Variants in EPHA10 observed in about 807,000 individuals in gnomAD.
The protein encoded by EPHA10 is EPH receptor A10.
In EPHA10, 120 loss-of-function variants were observed where a neutral mutation model predicts 109.7. The observed-to-expected ratio is 1.09, with a 90% confidence interval of 0.94 to 1.27. The LOEUF (loss-of-function observed/expected upper bound fraction) is 1.27. Ranked by LOEUF, EPHA10 falls within the 50% of genes most tolerant of loss-of-function variation. The pLI is 0.00. For synonymous variants in EPHA10, 640 were observed against 618.9 expected (o/e 1.03, Z -0.51); for missense variants, 1,396 against 1,411.1 (o/e 0.99, Z 0.17).
At chr1:37,735,450 GC>G in intron 5 of EPHA10, 60 bp from the exon 6 acceptor site, 1 of 1,531,698 alleles carries the variant, frequency 6.5e-7, no homozygotes, top group Non-Finnish European at 8.8e-7. Context: ...GGCTGGGGGT[GC>G]GGGGAAGAGG....
Position 37,753,166 on chromosome 1 carries a change from C to A in EPHA10, c.1067G>T (p.Arg356Leu). The change falls in exon 5 of 17, where the codon CGA becomes CTA. Residue 356 changes from arginine (R) to leucine (L), a missense_variant. Arg to Leu is a moderately radical substitution (Grantham distance 102). Coordinates refer to ENST00000373048, the MANE Select transcript of EPHA10 (RefSeq NM_001099439.2). Reference protein sequence around the residue: ...YSLSRSPLVLRLRWLPPADSG... With the variant: ...YSLSRSPLVLLLRWLPPADSG... Reference sequence around the variant, plus strand: ...GTCGGCCGGCGGCAGCCAGCGCAGTCGCAGCACCAGCGGCGAGCGGCTCAG... The same window carrying A: ...GTCGGCCGGCGGCAGCCAGCGCAGTAGCAGCACCAGCGGCGAGCGGCTCAG... 1 of 1,408,004 alleles carries A rather than the reference C, an allele frequency of 7.1e-7. No individual in the cohort carries two copies. Among genetic ancestry groups the A allele is most frequent in the Non-Finnish European group, 9.2e-7 (1 of 1,081,786 alleles). The allele number at this position is 1,408,004 out of a possible 1,614,324, so 87.2% of individuals were successfully genotyped here.
At chr1:37,728,048 C>T (rs889292356) in intron 7 of EPHA10, among the ~76,000 whole-genome samples, 2 of 152,146 alleles carry the variant, frequency 1.3e-5, no homozygotes, top group Non-Finnish European at 2.9e-5. Context: ...TGAGCAGAGG[C>T]ACAATAATTT....
At chr1:37,722,400 C>T in intron 10 of EPHA10, 2 of 225,206 alleles carry the variant, frequency 8.9e-6, no homozygotes, top group Non-Finnish European at 1.8e-5. Context: ...CTGCCCCTTT[C>T]CGGCTTCTGT....
intron 6 of EPHA10, among the ~76,000 whole-genome samples, chr1:37,733,786 GC>G (rs1368975226): frequency 1.3e-5 from 2 of 151,658 alleles, no homozygotes; most frequent in Admixed American, 1.3e-4. Context: ...TATGCTGAGA[GC>G]CCCCAACACT....
At position 37,718,138 on chromosome 1, in the gene EPHA10, T is replaced by A. The variant is rs2148300648; in HGVS notation, c.*234A>T. The A allele has an allele frequency of 1.9e-6, 1 of 536,846 alleles. No homozygotes were observed. The highest frequency in any genetic ancestry group is 1.9e-5 in the African/African-American group (1 of 52,332). The allele number at this position is 536,846 out of a possible 1,614,324, so 33.3% of individuals were successfully genotyped here. A position where few individuals can be genotyped will look rare whatever the true frequency, so the allele number is the denominator to read the frequency against. On this transcript the variant is annotated 3_prime_UTR_variant, in exon 17 of 17. Transcript: ENST00000373048. ...CTGCTGTTATCTCAGGGGTCCTCCCTAGGGATTTGAACCTCTTTTCAGGGG... is the reference window on the plus strand; with the variant it reads ...CTGCTGTTATCTCAGGGGTCCTCCCAAGGGATTTGAACCTCTTTTCAGGGG...
chr1:37,729,059 T>C (rs1438090691), intron 7 of EPHA10, among the ~76,000 whole-genome samples: 1 of 152,192 alleles, frequency 6.6e-6, no homozygotes, highest in African/African-American at 2.4e-5. Context: ...ATGAATGGCT[T>C]CTGTCTTGGG....
chr1:37,759,291 C>T (rs1276428091), intron 3 of EPHA10, among the ~76,000 whole-genome samples: 9 of 152,170 alleles, frequency 5.9e-5, no homozygotes, highest in Admixed American at 5.9e-4. Context: ...CATCACTTCA[C>T]TCCCACACCC....
At chr1:37,726,459 G>C (rs1645893656) in intron 8 of EPHA10, among the ~76,000 whole-genome samples, 1 of 152,228 alleles carries the variant, frequency 6.6e-6, no homozygotes, top group African/African-American at 2.4e-5. Context: ...CCCAGCCTGG[G>C]ACCCATCTGG....
At chr1:37,762,157 CCTG>C in intron 2 of EPHA10, 74 bp from the exon 3 acceptor site, 1 of 1,392,718 alleles carries the variant, frequency 7.2e-7, no homozygotes, top group Admixed American at 2.3e-5. Context: ...AGCAGTGACT[CCTG>C]CTTTCTCTCT....
At chr1:37,718,933 C>G in intron 15 of EPHA10, 117 bp from the exon 16 acceptor site, 1 of 1,359,364 alleles carries the variant, frequency 7.4e-7, no homozygotes, top group Non-Finnish European at 9.9e-7. Flanking sequence ...AACCGGGCCC[C>G]AGGGCTGGAT....
At chr1:37,723,423 C>T (rs763280114) in intron 8 of EPHA10, 51 bp from the exon 9 acceptor site, 3 of 1,599,530 alleles carry the variant, frequency 1.9e-6, no homozygotes, top group South Asian at 2.2e-5. Context: ...CCGGCCCTTC[C>T]CATTACAGAG....
intron 15 of EPHA10, chr1:37,719,132 T>G: frequency 1.7e-6 from 1 of 592,258 alleles, no homozygotes; most frequent in East Asian, 2.8e-5. Flanking sequence ...TTTGATTCAT[T>G]GGAACTACAA....
chr1:37,751,217 AGAAAGAAAGAAAG>A (rs1557554682), intron 5 of EPHA10, among the ~76,000 whole-genome samples: 8 of 118,942 alleles, frequency 6.7e-5, no homozygotes, highest in Admixed American at 2.9e-4. Flanking sequence ...AAAAAAAAAA[AGAAAGAAAGAAAG>A]AAAAAGAAAA....
chr1:37,735,862 G>T (rs1205117053), intron 5 of EPHA10, among the ~76,000 whole-genome samples: 2 of 152,112 alleles, frequency 1.3e-5, no homozygotes, highest in Non-Finnish European at 2.9e-5. Context: ...AAAGAATAAA[G>T]GCCATATATG....
chr1:37,764,962 T>C lies in EPHA10; in HGVS notation c.105A>G (p.Glu35=). ...LGPWRPGTAE[E]VILLDSKASQ... ...AGCAGAGCTCACCAGTCTTCTCACC[T>C]TCCTCGGCGGTCCCAGGCCGCCAGG... The change falls in exon 1 of 17, where the codon GAA becomes GAG. Residue 35 remains glutamate (E), a splice_region_variant and synonymous_variant. Transcript: ENST00000373048. The surrounding 1 kb of genome is among the most constrained non-coding windows in gnomAD (Gnocchi z 5.8). 9.3e-6 allele frequency: 15 copies of C among 1,604,860 alleles called. No homozygotes were observed. Among genetic ancestry groups the C allele is most frequent in the Non-Finnish European group, 1.3e-5 (15 of 1,176,816 alleles).
In EPHA10 at chr1:37,764,135, G is replaced by T. The variant is rs1054138823; in HGVS notation, c.106+826C>A. 1.3e-5 allele frequency among the ~76,000 whole-genome samples: 2 copies of T among 152,298 alleles called. No individual in the cohort carries two copies. Among genetic ancestry groups the T allele is most frequent in the Admixed American group, 6.5e-5 (1 of 15,298 alleles). ...TACCCTCTGGAGCTTAAACCAGGGG[G>T]TGGGCCACCAAGGTGAGGGCCTCTC... On this transcript the variant is annotated intron_variant, in intron 1 of 16. Transcript: ENST00000373048. This position sits in a 1 kb window ranked among gnomAD's most constrained non-coding sequence, Gnocchi z 5.8.
Position 37,718,752 on chromosome 1 carries a change from A to G in EPHA10, c.2821T>C (p.Trp941Arg). The change falls in exon 16 of 17, where the codon TGG becomes CGG. Residue 941 changes from tryptophan (W) to arginine (R), a missense_variant. Trp to Arg is a moderately radical substitution (Grantham distance 101). Transcript: ENST00000373048. ...TFPSFGSVGA[W>R]LEALDLCRYK... ...CGGCACAGGTCCAGGGCCTCCAGCC[A>G]CGCGCCCACAGAGCCAAAGGAGGGG... 1 of 1,613,120 alleles carries G rather than the reference A, an allele frequency of 6.2e-7. No homozygotes were observed. Among genetic ancestry groups the G allele is most frequent in the Non-Finnish European group, 8.5e-7 (1 of 1,179,982 alleles).
chr1:37,720,883 A>G (rs773865463), intron 11 of EPHA10, 39 bp from the exon 12 acceptor site: 43 of 1,605,626 alleles, frequency 2.7e-5, no homozygotes, highest in Non-Finnish European at 3.6e-5. Context: ...TAAGTTGTCC[A>G]CTCCACTCCG....
Position 37,718,765 on chromosome 1 carries a change from G to A in EPHA10, c.2808C>T (p.Gly936=). The A allele has an allele frequency of 6.2e-7, 1 of 1,613,150 alleles. No homozygotes were observed. Among genetic ancestry groups the A allele is most frequent in the Admixed American group, 1.7e-5 (1 of 60,012 alleles). ...DRAFSTFPSF[G]SVGAWLEALD... ...GGGCCTCCAGCCACGCGCCCACAGA[G>A]CCAAAGGAGGGGAAGGTGGAGAAGG... The change falls in exon 16 of 17, where the codon GGC becomes GGT. Residue 936 remains glycine (G), a synonymous_variant. Transcript: ENST00000373048.
Sources: allele counts gnomAD v4.1 joint callset (sites outside exome capture counted in the v4.1 genomes callset), GRCh38; gene constraint gnomAD v4.1.1; non-coding constraint Gnocchi (gnomAD v3.1); transcripts MANE v1.5; gene names NCBI Gene and HGNC (gene_info 2026-07-23, HGNC 2026-07-21).